Variants in NRAP observed in about 807,000 individuals in gnomAD.
NRAP encodes the protein nebulin related anchoring protein.
In NRAP, 189 loss-of-function variants were observed where a neutral mutation model predicts 225.9. The observed-to-expected ratio is 0.84, with a 90% CI of 0.74 to 0.94. The LOEUF (loss-of-function observed/expected upper bound fraction) is 0.94. NRAP is among the 40% of genes least tolerant of loss of function. NRAP has a pLI of 0.00. For synonymous variants in NRAP, 769 were observed against 790.7 expected (o/e 0.97, Z 0.46); for missense variants, 2,176 against 2,168.7 (o/e 1.00, Z -0.07).
In NRAP at chr10:113,612,342, CTGAGCCTTCT is replaced by C. The variant is rs1242537526; in HGVS notation, c.3380_3389del (p.Lys1127ArgfsTer23). 6.2e-7 allele frequency: 1 copy of C among 1,614,176 alleles called. No homozygotes were observed. The highest frequency in any genetic ancestry group is 8.5e-7 in the Non-Finnish European group (1 of 1,180,010). On this transcript the variant is annotated frameshift_variant, in exon 30 of 42. Transcript: ENST00000359988. LOFTEE classifies it high-confidence loss of function. ...TGTAGTCCTGATTGCTGGCCAGGGTCTGAGCCTTCTTGGCATGCACCAGGGCGGCCATGTC... is the reference window on the plus strand; with the variant it reads ...TGTAGTCCTGATTGCTGGCCAGGGTCTGGCATGCACCAGGGCGGCCATGTC...
At chr10:113,590,988 C>G in intron 39 of NRAP, 99 bp from the exon 40 acceptor site, 1 of 1,043,626 alleles carries the variant, frequency 9.6e-7, no homozygotes. Flanking sequence ...GCAGGAGGCT[C>G]AAGAGTGGGT....
At chr10:113,658,558 A>C (rs1266281303) in intron 3 of NRAP, among the ~76,000 whole-genome samples, 1 of 152,146 alleles carries the variant, frequency 6.6e-6, no homozygotes, top group African/African-American at 2.4e-5. Flanking sequence ...AGATATCAAA[A>C]TTTATTAGGT....
intron 7 of NRAP, among the ~76,000 whole-genome samples, 183 bp from the exon 8 acceptor site, chr10:113,650,728 A>G (rs1196516202): frequency 6.6e-6 from 1 of 152,166 alleles, no homozygotes; most frequent in Non-Finnish European, 1.5e-5. Context: ...AATACCCAGC[A>G]CAGTGCCTGG....
chr10:113,634,927 C>A (rs571440981), intron 14 of NRAP, among the ~76,000 whole-genome samples: 3 of 152,244 alleles, frequency 2.0e-5, no homozygotes, highest in East Asian at 1.9e-4. Context: ...CATGTCCCCA[C>A]CCCGTACACC....
intron 35 of NRAP, among the ~76,000 whole-genome samples, chr10:113,604,357 C>T (rs548913095): frequency 1.3e-5 from 2 of 152,262 alleles, no homozygotes; most frequent in East Asian, 3.9e-4. Flanking sequence ...CCTCGTGATC[C>T]GCCTGGCTCA....
Position 113,620,722 on chromosome 10 carries a change from A to G in NRAP, c.2770-14T>C. On this transcript the variant is annotated splice_polypyrimidine_tract_variant and intron_variant, in intron 24 of 41. Coordinates refer to ENST00000359988, the MANE Select transcript of NRAP (RefSeq NM_198060.4). ...CCTGTATTGGTTCTGACAAAGGAGA[A>G]AGAAAAAAAAAAAAAGCAGGCCATT... The G allele has an allele frequency of 6.4e-7, 1 of 1,572,676 alleles. No homozygotes were observed. Among genetic ancestry groups the G allele is most frequent in the Non-Finnish European group, 8.7e-7 (1 of 1,145,684 alleles).
chr10:113,651,964 C>T, intron 6 of NRAP, 57 bp from the exon 7 acceptor site: 2 of 1,076,220 alleles, frequency 1.9e-6, no homozygotes, highest in Non-Finnish European at 2.9e-6. Flanking sequence ...CCTCAGTGAC[C>T]TCTCCCTGTG....
intron 3 of NRAP, among the ~76,000 whole-genome samples, chr10:113,659,397 C>T (rs1026332215): frequency 2.0e-5 from 3 of 152,208 alleles, no homozygotes; most frequent in African/African-American, 7.2e-5. Flanking sequence ...TTGGGGGGAA[C>T]TGCCCTCCTT....
chr10:113,663,528 T>C, intron 1 of NRAP, 82 bp from the exon 2 acceptor site: 1 of 891,796 alleles, frequency 1.1e-6, no homozygotes, highest in East Asian at 2.6e-5. Context: ...GGTAAAAAAA[T>C]GAACTTCGAG....
rs200399883 is a variant in NRAP at position 113,589,730 on chromosome 10, A to T, written c.5024T>A (p.Val1675Glu). ...VGWTPPGSYK[V>E]EMARRAAELA... ...TTCCGCAGCCCGCCGAGCCATTTCC[A>T]CTTTGTAGGAGCCAGGAGGGGTCCA... is the stretch of plus-strand genomic sequence containing the variant. Residue 1675 changes from valine (V) to glutamate (E), a missense_variant, in exon 41 of 42, where the codon GTG becomes GAG. Val to Glu is a moderately radical substitution (Grantham distance 121). Around this residue, in one of 3 missense-constraint regions of NRAP, gnomAD observed 445 missense variants for 426.1 expected, o/e 1.04. Transcript: ENST00000359988. The T allele has an allele frequency of 6.2e-7, 1 of 1,614,124 alleles. No homozygotes were observed. The highest frequency in any genetic ancestry group is 1.3e-5 in the African/African-American group (1 of 75,020).
chr10:113,633,247 G>T, intron 15 of NRAP, 59 bp from the exon 16 acceptor site: 1 of 962,166 alleles, frequency 1.0e-6, no homozygotes, highest in Non-Finnish European at 1.7e-6. Context: ...GAACTTTAGG[G>T]ACCCATAGCT....
chr10:113,622,294 T>C, intron 23 of NRAP, 114 bp from the exon 24 acceptor site: 5 of 699,970 alleles, frequency 7.1e-6, no homozygotes, highest in African/African-American at 1.8e-5. Flanking sequence ...CCTATTAGAA[T>C]TAGAATCATA....
chr10:113,615,419 G>A (rs1219002567), intron 27 of NRAP, among the ~76,000 whole-genome samples: 1 of 152,158 alleles, frequency 6.6e-6, no homozygotes, highest in Admixed American at 6.5e-5. Context: ...ATATTCTGAT[G>A]TTCCCACTTT....
At position 113,605,827 on chromosome 10, in the gene NRAP, A is replaced by G; in HGVS notation, c.3850T>C (p.Tyr1284His). Residue 1284 changes from tyrosine to histidine, a missense_variant, in exon 34 of 42, where the codon TAC becomes CAC. Physicochemically the swap from Tyr to His is moderately conservative, Grantham distance 83. This residue lies in a region of NRAP where 1,708 missense variants were observed against 1,695.5 expected (regional missense o/e 1.01). Transcript: ENST00000359988. ...GGGAGCGCTTCTATTGTCAGCTTGT[A>G]GCCTTGAGCACGAAGATTACGCCAG... is the stretch of plus-strand genomic sequence containing the variant. Reference protein sequence around the residue: ...ESWRNLRAQGYKLTIEALPFQ... With the variant: ...ESWRNLRAQGHKLTIEALPFQ... 6.2e-7 allele frequency: 1 copy of G among 1,614,182 alleles called. No individual in the cohort carries two copies. Among genetic ancestry groups the G allele is most frequent in the Non-Finnish European group, 8.5e-7 (1 of 1,179,996 alleles).
Position 113,614,177 on chromosome 10 carries a change from A to G in NRAP, c.3300+6T>C, listed in dbSNP as rs778475301. On this transcript the variant is annotated splice_donor_region_variant and intron_variant, in intron 29 of 41. Transcript: ENST00000359988. ...TGCAGCCGCTGATGCCTCTCCCCCC[A>G]CTTACATCACTCTGCAGTGAGGTCG... 8 of 1,593,878 alleles carry G rather than the reference A, an allele frequency of 5.0e-6. No individual in the cohort carries two copies. In the East Asian group the frequency reaches 1.1e-4, roughly 22 times the overall value.
intron 18 of NRAP, among the ~76,000 whole-genome samples, chr10:113,630,854 T>C (rs1346892984): frequency 2.6e-5 from 4 of 152,218 alleles, no homozygotes; most frequent in African/African-American, 9.6e-5. Context: ...CAGCATAAGT[T>C]GGCCTCACAG....
chr10:113,651,483 T>C (rs10885485), intron 7 of NRAP, among the ~76,000 whole-genome samples: 51,187 of 152,024 alleles, frequency 0.34, 9,562 homozygotes, highest in African/African-American at 0.52. Context: ...ATCCTGATGC[T>C]GTCCCTCCCC....
intron 13 of NRAP, among the ~76,000 whole-genome samples, chr10:113,641,051 T>C (rs888343587): frequency 3.2e-4 from 48 of 152,230 alleles, no homozygotes; most frequent in Admixed American, 1.3e-4. Flanking sequence ...GGAATAAGAA[T>C]CATAATTATT....
chr10:113,592,251 G>C lies in NRAP; in HGVS notation c.4587C>G (p.Phe1529Leu). The change falls in exon 39 of 42, where the codon TTC (phenylalanine) becomes TTG (leucine). Residue 1529 changes from phenylalanine to leucine, a missense_variant. Phe to Leu is a conservative substitution (Grantham distance 22). Around this residue, in one of 3 missense-constraint regions of NRAP, gnomAD observed 445 missense variants for 426.1 expected, o/e 1.04. Transcript: ENST00000359988. ...WEQTRAGSYD[F>L]RLDAIPFQTA... ...TCTGGAAGGGGATGGCATCCAGCCT[G>C]AAGTCATAACTGCCAGCCCGGGTCT... is the stretch of plus-strand genomic sequence containing the variant. The C allele has an allele frequency of 9.3e-6, 15 of 1,613,002 alleles. No individual in the cohort carries two copies. The highest frequency in any genetic ancestry group is 1.3e-5 in the Non-Finnish European group (15 of 1,179,454).
Sources: gnomAD v4.1 joint callset for allele counts (sites outside exome capture counted in the v4.1 genomes callset) on GRCh38, gnomAD v4.1.1 for gene constraint, gnomAD v4.1.1 regional missense constraint, MANE v1.5 for transcripts, NCBI Gene and HGNC (gene_info 2026-07-23, HGNC 2026-07-21) for gene names.